FAM53A: variants seen among roughly 807,000 people sequenced by gnomAD.
The protein encoded by FAM53A is family with sequence similarity 53 member A.
Under a neutral mutation model 26.6 loss-of-function variants are expected in FAM53A, and 28 were observed. The ratio of observed to expected loss-of-function variants is 1.05; its 90% CI spans 0.78 to 1.45. The LOEUF (loss-of-function observed/expected upper bound fraction) is 1.45. Among genes scored for constraint, FAM53A ranks in the 40% most tolerant of loss-of-function variants. The pLI, the probability that FAM53A is intolerant of heterozygous loss-of-function variation, is 0.00. For synonymous variants in FAM53A, 290 were observed against 253.1 expected (o/e 1.15, Z -1.38); for missense variants, 650 against 575.8 (o/e 1.13, Z -1.32).
At chr4:1,582,880 A>G in the FAM53A span, among the ~76,000 whole-genome samples, 7 of 152,318 alleles carry the variant, frequency 4.6e-5, no homozygotes, top group South Asian at 1.5e-3. Context: ...AAATAGCTAC[A>G]TATATAGGCA....
chr4:1,663,030 TAA>T (rs56405335), intron 2 of FAM53A, among the ~76,000 whole-genome samples: 7 of 151,304 alleles, frequency 4.6e-5, no homozygotes, highest in Non-Finnish European at 5.9e-5. Context: ...CCGGCTCTAC[TAA>T]AAAAAAAATA....
intron 4 of FAM53A, among the ~76,000 whole-genome samples, chr4:1,647,882 T>G (rs570159086): frequency 3.0e-4 from 45 of 152,342 alleles, no homozygotes; most frequent in Middle Eastern, 3.4e-3. Context: ...CATTTCTTTT[T>G]GGCCCTGAGG....
intron 4 of FAM53A, among the ~76,000 whole-genome samples, chr4:1,648,082 A>G (rs1483704064): frequency 6.6e-6 from 1 of 152,128 alleles, no homozygotes; most frequent in African/African-American, 2.4e-5. Context: ...AGGAGTGTGC[A>G]CCTGTGGTCC....
At chr4:1,636,731 G>C (rs113114987), downstream of FAM53A, among the ~76,000 whole-genome samples, 1 of 152,266 alleles carries the variant, frequency 6.6e-6, no homozygotes, top group Admixed American at 6.5e-5. Context: ...CCAAGACCTG[G>C]GTTTTTCGGG....
chr4:1,629,828 C>T (rs1175896955), intron 1 of FAM53A, among the ~76,000 whole-genome samples: 6 of 152,162 alleles, frequency 3.9e-5, no homozygotes, highest in African/African-American at 1.4e-4. Flanking sequence ...CCCACCCCGG[C>T]CCACCCACAG....
chr4:1,593,968 CG>C, the FAM53A span, among the ~76,000 whole-genome samples: 1 of 152,188 alleles, frequency 6.6e-6, no homozygotes, highest in Non-Finnish European at 1.5e-5. Flanking sequence ...GCACGAAATA[CG>C]GTCTAGGGCA....
chr4:1,664,744 G>C (rs1714101434), intron 2 of FAM53A, among the ~76,000 whole-genome samples: 1 of 152,186 alleles, frequency 6.6e-6, no homozygotes, highest in African/African-American at 2.4e-5. Flanking sequence ...TTGGGAGCCT[G>C]AAGCGGGTGG....
At chr4:1,671,191 C>T (rs1714624828) in intron 1 of FAM53A, among the ~76,000 whole-genome samples, 1 of 151,640 alleles carries the variant, frequency 6.6e-6, no homozygotes, top group South Asian at 2.1e-4. Flanking sequence ...ACAGCCACAG[C>T]CCGGACTCAC....
At chr4:1,602,284 G>C in the FAM53A span, among the ~76,000 whole-genome samples, 1 of 152,238 alleles carries the variant, frequency 6.6e-6, no homozygotes, top group Non-Finnish European at 1.5e-5. Context: ...GCCTCCAAAT[G>C]AAAGTCTGTT....
chr4:1,615,333 T>TG (rs1714771054), downstream of FAM53A, among the ~76,000 whole-genome samples: 2 of 25,084 alleles, frequency 8.0e-5, no homozygotes, highest in African/African-American at 1.3e-4. Context: ...GGGCGCACAC[T>TG]GAAGACAGGA....
chr4:1,684,531 C>A (rs1715682873), upstream of FAM53A, among the ~76,000 whole-genome samples: 2 of 151,310 alleles, frequency 1.3e-5, no homozygotes, highest in South Asian at 4.1e-4. Context: ...GCCCCGCCCC[C>A]GGATCGACGC....
At chr4:1,682,251 A>C (rs1317333400) in intron 1 of FAM53A, among the ~76,000 whole-genome samples, 2 of 149,016 alleles carry the variant, frequency 1.3e-5, no homozygotes, top group Non-Finnish European at 3.0e-5. Context: ...TTTATATAAA[A>C]ATTTTTAATT....
chr4:1,650,472 TG>T (rs960306258), intron 4 of FAM53A, among the ~76,000 whole-genome samples: 2 of 152,002 alleles, frequency 1.3e-5, no homozygotes, highest in African/African-American at 4.8e-5. Context: ...TGGTGGTTTT[TG>T]GTTTTGATTT....
At chr4:1,665,439 G>A (rs1431901337) in intron 2 of FAM53A, among the ~76,000 whole-genome samples, 8 of 150,024 alleles carry the variant, frequency 5.3e-5, no homozygotes, top group South Asian at 4.2e-4. Flanking sequence ...AATGACGTGC[G>A]ATCACTCCAC....
In FAM53A at chr4:1,663,840, T is replaced by TAA. The variant is rs200467394; in HGVS notation, c.75+4825_75+4826dup. 6.3e-3 allele frequency among the ~76,000 whole-genome samples: 863 copies of TAA among 136,402 alleles called. 7 individuals are homozygous for TAA. The highest frequency in any genetic ancestry group is 0.022 in the African/African-American group (811 of 36,070). The allele number at this position is 136,402 out of a possible 152,430, so 89.5% of individuals were successfully genotyped here. A position where few individuals can be genotyped will look rare whatever the true frequency, so the allele number is the denominator to read the frequency against. ...TCACAAATTAGTGAGACCCTGTCTT[T>TAA]AAAAAAAAAAAAAAAAAGCTAAATC... On this transcript the variant is annotated intron_variant, in intron 2 of 4. Transcript: ENST00000308132.
In FAM53A at chr4:1,641,541, C is replaced by A. The variant is rs74515243; in HGVS notation, c.949G>T (p.Val317Leu). 3 of 1,614,082 alleles carry A rather than the reference C, an allele frequency of 1.9e-6. No homozygotes were observed. Among genetic ancestry groups the A allele is most frequent in the Admixed American group, 1.7e-5 (1 of 59,996 alleles). The change falls in exon 5 of 5, where the codon GTG (valine) becomes TTG (leucine). Residue 317 changes from valine (V) to leucine (L), a missense_variant. By Grantham distance (32) the Val-to-Leu change is conservative. Coordinates refer to ENST00000308132, the MANE Select transcript of FAM53A (RefSeq NM_001174070.3). ...YEDDDEDDTP[V>L]KTVLSSPCDS... ...CATGGGGAGGACAGAACCGTCTTCA[C>A]TGGGGTGTCATCCTCATCGTCATCT...
At chr4:1,656,909 G>A (rs1025099271) in intron 3 of FAM53A, among the ~76,000 whole-genome samples, 8 of 152,176 alleles carry the variant, frequency 5.3e-5, no homozygotes, top group African/African-American at 1.9e-4. Flanking sequence ...GGGTTACCTG[G>A]CCCGTGAACA....
the FAM53A span, among the ~76,000 whole-genome samples, chr4:1,586,168 G>A: frequency 2.6e-5 from 4 of 152,026 alleles, no homozygotes; most frequent in East Asian, 1.9e-4. Flanking sequence ...GAACATGGGC[G>A]TGCAGGTCTC....
chr4:1,588,592 G>A, the FAM53A span, among the ~76,000 whole-genome samples: 1 of 152,134 alleles, frequency 6.6e-6, no homozygotes, highest in Admixed American at 6.5e-5. Context: ...TGCCAGTAAG[G>A]AGATGAGGTC....
Sources: allele counts gnomAD v4.1 joint callset (sites outside exome capture counted in the v4.1 genomes callset), GRCh38; gene constraint gnomAD v4.1.1; transcripts MANE v1.5; gene names NCBI Gene and HGNC (gene_info 2026-07-23, HGNC 2026-07-21).